The following ZNF729 variants were observed in gnomAD, a reference collection of about 807,000 sequenced individuals.
ZNF729 encodes zinc finger protein 729.
In ZNF729, 15 loss-of-function variants were observed where a neutral mutation model predicts 12.2. The ratio of observed to expected loss-of-function variants is 1.23; its 90% CI spans 0.82 to 1.89. ZNF729 has a LOEUF of 1.89. ZNF729 is among the 40% of genes most tolerant of loss of function. The probability of loss-of-function intolerance (pLI) is 0.00; values close to 1 mark genes in which losing one functional copy is unlikely to be tolerated. For synonymous variants in ZNF729, 492 were observed against 476.3 expected, an observed-to-expected ratio of 1.03 and a Z score of -0.43; for missense variants, 1,540 against 1,456.7, an observed-to-expected ratio of 1.06 and a Z score of -0.93.
rs754536532 is a variant in ZNF729 at position 22,314,274 on chromosome 19, A to C, written c.857A>C (p.His286Pro). The C allele has an allele frequency of 6.2e-7, 1 of 1,610,356 alleles. No individual in the cohort carries two copies. The highest frequency in any genetic ancestry group is 8.5e-7 in the Non-Finnish European group (1 of 1,178,892). The change falls in exon 4 of 4, where the codon CAT becomes CCT. Residue 286 changes from histidine (H) to proline (P), a missense_variant. Physicochemically the swap from His to Pro is moderately conservative, Grantham distance 77. Coordinates refer to ENST00000601693, the MANE Select transcript of ZNF729 (RefSeq NM_001242680.2). ...SSNLTDHKRI[H>P]TGEKTYKCEE... The stretch of plus-strand genomic sequence containing the variant: ...AATCTTACTGACCATAAGAGAATTC[A>C]TACTGGAGAGAAAACCTACAAATGT...
chr19:22,300,864 G>GA (rs1171193700), intron 1 of ZNF729, among the ~76,000 whole-genome samples: 16 of 152,260 alleles, frequency 1.1e-4, no homozygotes, highest in African/African-American at 3.9e-4. Context: ...AATGTGCAGG[G>GA]AAAACCTGCT....
At chr19:22,311,103 G>A (rs951972240) in intron 3 of ZNF729, among the ~76,000 whole-genome samples, 1 of 151,862 alleles carries the variant, frequency 6.6e-6, no homozygotes, top group Non-Finnish European at 1.5e-5. Flanking sequence ...TCTTGCTTAT[G>A]GTCTGTCAAT....
Position 22,316,705 on chromosome 19 carries a change from A to G in ZNF729, c.3288A>G (p.Val1096=). Residue 1096 remains valine (V), a synonymous_variant, in exon 4 of 4, where the codon GTA becomes GTG. Coordinates refer to ENST00000601693, the MANE Select transcript of ZNF729 (RefSeq NM_001242680.2). ...KHFSALRKHK[V]IHTGKKPYQC... ...TCTCAGCCCTTAGAAAACATAAGGT[A>G]ATTCATACTGGAAAGAAACCCTACC... The G allele has an allele frequency of 6.2e-7, 1 of 1,612,872 alleles. No homozygotes were observed.
rs146100598 is a variant in ZNF729, at chr19:22,287,539, T to A, written c.30+984T>A. 1.7e-3 allele frequency among the ~76,000 whole-genome samples: 258 copies of A among 152,258 alleles called. 5 individuals are homozygous for A. The East Asian group carries it at 0.035, about 21-fold the overall frequency. On this transcript the variant is annotated intron_variant, in intron 1 of 3. Transcript: ENST00000601693. ...TCCTCGGCCTCCTAAAGTGCTGGGT[T>A]TACAGGTGTGAGCCGCTGCGCTCGG... is the stretch of plus-strand genomic sequence containing the variant.
In ZNF729 at chr19:22,314,018, A is replaced by G; in HGVS notation, c.601A>G (p.Ile201Val). 6.5e-7 allele frequency: 1 copy of G among 1,541,318 alleles called. No homozygotes were observed. Among genetic ancestry groups the G allele is most frequent in the Non-Finnish European group, 8.7e-7 (1 of 1,146,100 alleles). ...TTCATGCTTAATTCGACATAAGAGA[A>G]TTCATATTAGACAGAATATCTACAA... is the stretch of plus-strand genomic sequence containing the variant. ...MLSCLIRHKR[I>V]HIRQNIYKCE... The change falls in exon 4 of 4, where the codon ATT becomes GTT. Residue 201 changes from isoleucine to valine, a missense_variant. Ile to Val is a conservative substitution (Grantham distance 29). Coordinates refer to ENST00000601693, the MANE Select transcript of ZNF729 (RefSeq NM_001242680.2).
In ZNF729 at chr19:22,286,451, G is replaced by T; in HGVS notation, c.-75G>T. The T allele has an allele frequency of 6.3e-7, 1 of 1,587,418 alleles. No individual in the cohort carries two copies. The highest frequency in any genetic ancestry group is 8.6e-7 in the Non-Finnish European group (1 of 1,164,418). On this transcript the variant is annotated 5_prime_UTR_variant, in exon 1 of 4. Coordinates refer to ENST00000601693, the MANE Select transcript of ZNF729 (RefSeq NM_001242680.2). ...TTTCTGGTTGCAGCCGCAGTTCCCG[G>T]TCTCGCCTTCACTGCTGTGTGTCCT... is the stretch of plus-strand genomic sequence containing the variant.
At chr19:22,301,496 T>C (rs911670066) in intron 1 of ZNF729, among the ~76,000 whole-genome samples, 5 of 152,382 alleles carry the variant, frequency 3.3e-5, no homozygotes, top group East Asian at 1.9e-4. Context: ...TGATCCCACC[T>C]GGAATCTGCA....
intron 1 of ZNF729, among the ~76,000 whole-genome samples, chr19:22,289,099 G>GT (rs35685335): frequency 0.34 from 52,239 of 151,748 alleles, 9,935 homozygotes; most frequent in Non-Finnish European, 0.43. Flanking sequence ...TTTGACCTCA[G>GT]TTTTTTAACT....
chr19:22,286,673 T>C (rs1402114873), intron 1 of ZNF729, 118 bp downstream of exon 1: 2 of 1,320,630 alleles, frequency 1.5e-6, no homozygotes, highest in Admixed American at 1.7e-5. Flanking sequence ...GCGCCTGGAG[T>C]TCTTTCCCAT....
chr19:22,297,970 AC>A (rs1188468856), intron 1 of ZNF729, among the ~76,000 whole-genome samples: 1 of 135,386 alleles, frequency 7.4e-6, no homozygotes, highest in Non-Finnish European at 1.5e-5. Context: ...ACCCCATCGC[AC>A]TCTGGCCTGG....
intron 1 of ZNF729, among the ~76,000 whole-genome samples, chr19:22,290,177 C>A (rs1470832392): frequency 3.3e-5 from 5 of 152,172 alleles, no homozygotes; most frequent in African/African-American, 1.2e-4. Context: ...TCTGGGGAGT[C>A]TTCTCTGCAG....
chr19:22,298,882 G>A (rs919023299), intron 1 of ZNF729: 29 of 152,148 alleles, frequency 1.9e-4, no homozygotes, highest in Admixed American at 7.9e-4. Flanking sequence ...CACAGATGAT[G>A]TGGCCACCGC....
intron 1 of ZNF729, chr19:22,299,696 T>G (rs1238861014): frequency 6.5e-6 from 1 of 152,798 alleles, no homozygotes; most frequent in Non-Finnish European, 1.5e-5. Context: ...ATTTTGGAGC[T>G]ATCTGTACTT....
rs1266619300 is a variant in ZNF729, at chr19:22,316,377, C to T, written c.2960C>T (p.Thr987Ile). 1 of 1,613,670 alleles carries T rather than the reference C, an allele frequency of 6.2e-7. No homozygotes were observed. The highest frequency in any genetic ancestry group is 1.1e-5 in the South Asian group (1 of 91,064). The change falls in exon 4 of 4, where the codon ACT (threonine) becomes ATT (isoleucine). Residue 987 changes from threonine (T) to isoleucine (I), a missense_variant. Transcript: ENST00000601693. ...CTTACTAGACATAAAGCAATTCATA[C>T]TGGGGAGAAACCCTACAAATGCGAA... is the stretch of plus-strand genomic sequence containing the variant. The part of the protein sequence containing the change: ...SHLTRHKAIH[T>I]GEKPYKCEEC...
chr19:22,317,080 A>G lies in ZNF729; in HGVS notation c.3663A>G (p.Val1221=). ...TREKPTNVKK[V]PKLLSNPHTL... ...AGAAACCTACAAATGTGAAGAAAGT[A>G]CCAAAGCTTTTAAGCAATCCTCACA... Residue 1221 remains valine, a synonymous_variant, in exon 4 of 4, where the codon GTA becomes GTG. Coordinates refer to ENST00000601693, the MANE Select transcript of ZNF729 (RefSeq NM_001242680.2). 1 of 1,603,224 alleles carries G rather than the reference A, an allele frequency of 6.2e-7. No individual in the cohort carries two copies. Among genetic ancestry groups the G allele is most frequent in the Non-Finnish European group, 8.5e-7 (1 of 1,175,500 alleles).
intron 3 of ZNF729, among the ~76,000 whole-genome samples, chr19:22,311,995 A>G (rs529855851): frequency 6.6e-6 from 1 of 151,914 alleles, no homozygotes; most frequent in Non-Finnish European, 1.5e-5. Context: ...ATTTTGTCAT[A>G]TGTAAGAATA....
chr19:22,302,746 T>A (rs1968329302), intron 1 of ZNF729, among the ~76,000 whole-genome samples: 1 of 152,312 alleles, frequency 6.6e-6, no homozygotes. Flanking sequence ...AGGCCTTATT[T>A]AGGTCAGGTC....
chr19:22,308,424 T>C (rs1968411187), intron 3 of ZNF729, among the ~76,000 whole-genome samples: 1 of 152,214 alleles, frequency 6.6e-6, no homozygotes, highest in Admixed American at 6.5e-5. Flanking sequence ...AGTATGACTT[T>C]TAGTTCTTTA....
intron 1 of ZNF729, among the ~76,000 whole-genome samples, chr19:22,296,138 C>T (rs1449943494): frequency 6.6e-6 from 1 of 152,088 alleles, no homozygotes; most frequent in East Asian, 1.9e-4. Flanking sequence ...GTTGCTGTTT[C>T]TATATAACGA....
Sources: allele counts gnomAD v4.1 joint callset (sites outside exome capture counted in the v4.1 genomes callset), GRCh38; gene constraint gnomAD v4.1.1; transcripts MANE v1.5; gene names NCBI Gene and HGNC (gene_info 2026-07-23, HGNC 2026-07-21).